Variants in OTUD7A observed in about 807,000 individuals in gnomAD.
OTUD7A encodes OTU deubiquitinase 7A.
OTUD7A carries 12 observed loss-of-function variants against 65.7 expected under a neutral mutation model. The ratio of observed to expected loss-of-function variants is 0.18; its 90% CI spans 0.12 to 0.30. The LOEUF (loss-of-function observed/expected upper bound fraction) is 0.30, where lower values mean the gene tolerates loss of function less well. Among genes scored for constraint, OTUD7A ranks in the 10% least tolerant of loss-of-function variants. OTUD7A has a pLI of 1.00. For synonymous variants in OTUD7A, 641 were observed against 586.3 expected, an observed-to-expected ratio of 1.09 and a Z score of -1.35; for missense variants, 1,148 against 1,304.8, an observed-to-expected ratio of 0.88 and a Z score of 1.85.
At chr15:31,686,980 T>G (rs918240498) in intron 1 of OTUD7A, among the ~76,000 whole-genome samples, 2 of 152,210 alleles carry the variant, frequency 1.3e-5, no homozygotes, top group African/African-American at 4.8e-5. Context: ...CATATTCGTG[T>G]GTAGCTTCTA....
chr15:31,499,418 C>T (rs1252447679), intron 10 of OTUD7A, among the ~76,000 whole-genome samples: 1 of 152,208 alleles, frequency 6.6e-6, no homozygotes, highest in Non-Finnish European at 1.5e-5. Context: ...CCCACCAGGT[C>T]CTGCGACTTT....
chr15:31,649,339 G>T (rs7496777), intron 3 of OTUD7A, among the ~76,000 whole-genome samples: 46,677 of 151,970 alleles, frequency 0.31, 8,404 homozygotes, highest in African/African-American at 0.5. Context: ...ATCAGCCTCT[G>T]CTCCTCCTTT....
intron 5 of OTUD7A, among the ~76,000 whole-genome samples, chr15:31,541,458 G>A (rs1358368197): frequency 2.0e-5 from 3 of 152,110 alleles, no homozygotes; most frequent in East Asian, 3.8e-4. Context: ...GTGTGAATGC[G>A]TGTAGCACTG....
At chr15:31,683,184 T>C (rs1470376977) in intron 1 of OTUD7A, among the ~76,000 whole-genome samples, 6 of 152,196 alleles carry the variant, frequency 3.9e-5, no homozygotes, top group Non-Finnish European at 7.3e-5. Context: ...CTGGTAAAAT[T>C]CAGTGTTTTA....
intron 1 of OTUD7A, among the ~76,000 whole-genome samples, chr15:31,833,682 TC>T (rs1372303748): frequency 6.6e-6 from 1 of 152,258 alleles, no homozygotes; most frequent in Non-Finnish European, 1.5e-5. Flanking sequence ...TTATTGACAC[TC>T]TTTTAGAACC....
chr15:31,763,087 A>G (rs1197465448), intron 1 of OTUD7A, among the ~76,000 whole-genome samples: 1 of 152,182 alleles, frequency 6.6e-6, no homozygotes, highest in Non-Finnish European at 1.5e-5. Context: ...GTTCAAGACC[A>G]GGTTGGCCAA....
intron 1 of OTUD7A, among the ~76,000 whole-genome samples, chr15:31,802,987 G>A (rs921682923): frequency 3.9e-5 from 6 of 152,206 alleles, no homozygotes; most frequent in African/African-American, 9.7e-5. Flanking sequence ...GCCTCTAGGC[G>A]CCTCTAAGTG....
intron 3 of OTUD7A, among the ~76,000 whole-genome samples, chr15:31,650,290 C>CA (rs963385700): frequency 1.5e-5 from 1 of 66,852 alleles, no homozygotes; most frequent in African/African-American, 1.1e-4. Flanking sequence ...AAGCCTCAAC[C>CA]ACCCAAGCTG....
intron 3 of OTUD7A, among the ~76,000 whole-genome samples, chr15:31,594,581 G>A (rs1197364376): frequency 2.6e-5 from 4 of 152,198 alleles, no homozygotes; most frequent in Non-Finnish European, 5.9e-5. Flanking sequence ...TTAGAGAGCT[G>A]GCGTGGGTGG....
chr15:31,557,977 T>A (rs1334383432), intron 5 of OTUD7A: 1 of 152,064 alleles, frequency 6.6e-6, no homozygotes, highest in Non-Finnish European at 1.5e-5. Context: ...CACTCCACAG[T>A]GGACATGAAG....
chr15:31,734,056 T>C (rs979229818), intron 1 of OTUD7A, among the ~76,000 whole-genome samples: 4 of 152,164 alleles, frequency 2.6e-5, no homozygotes, highest in Non-Finnish European at 5.9e-5. Context: ...TTGGATACAA[T>C]TATTTTGAAG....
chr15:31,747,519 C>T (rs1178200559), intron 1 of OTUD7A, among the ~76,000 whole-genome samples: 6 of 152,228 alleles, frequency 3.9e-5, no homozygotes, highest in African/African-American at 1.4e-4. Context: ...AAATCTGGGG[C>T]AACCTGAGCA....
chr15:31,860,677 G>GTGTATGTATATATATATATATATA (rs560896384), intron 1 of OTUD7A, among the ~76,000 whole-genome samples: 1 of 73,284 alleles, frequency 1.4e-5, no homozygotes. Context: ...ATGTATGTGT[G>GTGTATGTATATATATATATATATA]TATATATATA....
In OTUD7A at chr15:31,647,996, G is replaced by C. The variant is rs371079256; in HGVS notation, c.151+7100C>G. Among the ~76,000 whole-genome samples, 1,415 of 152,238 alleles carry C rather than the reference G, an allele frequency of 9.3e-3. 31 individuals are homozygous for C. Among genetic ancestry groups the C allele is most frequent in the African/African-American group, 0.032 (1,309 of 41,536 alleles). ...AGGTAATGAGGGGAGGGACGGAATA[G>C]GACTAGATGCTGAAGGGCTGGAGTA... On this transcript the variant is annotated intron_variant, in intron 3 of 12. Coordinates refer to ENST00000307050, the MANE Select transcript of OTUD7A (RefSeq NM_001382637.1).
intron 1 of OTUD7A, among the ~76,000 whole-genome samples, chr15:31,722,337 A>G (rs1335767441): frequency 6.6e-6 from 1 of 152,192 alleles, no homozygotes; most frequent in Non-Finnish European, 1.5e-5. Context: ...AGGTCTACAC[A>G]GGTATATATT....
chr15:31,503,731 A>G lies in OTUD7A; in HGVS notation c.981T>C (p.Val327=). The G allele has an allele frequency of 1.2e-6, 2 of 1,614,168 alleles. No homozygotes were observed. Among genetic ancestry groups the G allele is most frequent in the Non-Finnish European group, 1.7e-6 (2 of 1,180,008 alleles). Residue 327 remains valine (V), a synonymous_variant, in exon 9 of 13, where the codon GTT becomes GTC. Coordinates refer to ENST00000307050, the MANE Select transcript of OTUD7A (RefSeq NM_001382637.1). ...CTCTTAACATTGTATCTGCCACAAC[A>G]ACGATGGGCCTTCTTAATATATGGG... ...VLAHILRRPI[V]VVADTMLRDS...
chr15:31,730,917 G>A (rs1449834918), intron 1 of OTUD7A, among the ~76,000 whole-genome samples: 2 of 152,208 alleles, frequency 1.3e-5, no homozygotes, highest in Non-Finnish European at 2.9e-5. Context: ...TTTCTCCCTG[G>A]AGAAGAGTTT....
chr15:31,639,936 G>A (rs998338361), intron 3 of OTUD7A, among the ~76,000 whole-genome samples: 16 of 152,180 alleles, frequency 1.1e-4, no homozygotes, highest in Admixed American at 8.5e-4. Flanking sequence ...TATATGATTT[G>A]CAGTATTTTC....
At chr15:31,749,423 A>G (rs1395386575) in intron 1 of OTUD7A, among the ~76,000 whole-genome samples, 1 of 152,176 alleles carries the variant, frequency 6.6e-6, no homozygotes, top group Admixed American at 6.5e-5. Flanking sequence ...TGAGACAGAT[A>G]TCCCCCATGA....
Sources: gnomAD v4.1 joint callset for allele counts (sites outside exome capture counted in the v4.1 genomes callset) on GRCh38, gnomAD v4.1.1 for gene constraint, MANE v1.5 for transcripts, NCBI Gene and HGNC (gene_info 2026-07-23, HGNC 2026-07-21) for gene names.